The following RNASE4 variants were observed in gnomAD, a reference collection of about 807,000 sequenced individuals.
The protein encoded by RNASE4 is ribonuclease A family member 4.
For synonymous variants in RNASE4, 93 were observed against 71.4 expected, an observed-to-expected ratio of 1.30 and a Z score of -1.52; for missense variants, 194 against 192.8, an observed-to-expected ratio of 1.01 and a Z score of -0.04.
intron 1 of RNASE4, chr14:20,693,390 G>C (rs2139022957): frequency 4.3e-6 from 4 of 931,132 alleles, no homozygotes; most frequent in East Asian, 2.6e-5. Context: ...GATTGACGAA[G>C]TGTGAGGTTA....
intron 1 of RNASE4, among the ~76,000 whole-genome samples, chr14:20,690,008 G>A (rs184674274): frequency 0.042 from 6,249 of 148,134 alleles, 173 homozygotes; most frequent in African/African-American, 0.075. Context: ...GAGGTCAGGA[G>A]ATCGAGACCA....
intron 1 of RNASE4, chr14:20,688,656 G>A (rs1324412426): frequency 5.1e-6 from 5 of 983,876 alleles, no homozygotes; most frequent in Non-Finnish European, 6.0e-6. Context: ...CATGCCCAGC[G>A]AAAAGGTGAA....
chr14:20,694,453 C>T (rs1050088475), intron 1 of RNASE4, among the ~76,000 whole-genome samples: 1 of 152,084 alleles, frequency 6.6e-6, no homozygotes, highest in African/African-American at 2.4e-5. Flanking sequence ...GCATGCACCA[C>T]CACACCTGGC....
At chr14:20,686,990 G>GGA (rs1167482661) in intron 1 of RNASE4, among the ~76,000 whole-genome samples, 1 of 152,086 alleles carries the variant, frequency 6.6e-6, no homozygotes, top group Non-Finnish European at 1.5e-5. Context: ...TTGGCTTGAG[G>GGA]GAGAGAGAGA....
intron 1 of RNASE4, among the ~76,000 whole-genome samples, chr14:20,687,825 A>G (rs911811898): frequency 2.6e-5 from 4 of 152,188 alleles, no homozygotes; most frequent in Non-Finnish European, 5.9e-5. Context: ...ACACCTTCTC[A>G]AGTGCAGCCA....
At position 20,693,448 on chromosome 14, in the gene RNASE4, G is replaced by C. The variant is rs556327323; in HGVS notation, c.-17-5907G>C. 3.0e-5 allele frequency: 45 copies of C among 1,496,168 alleles called. No individual in the cohort carries two copies. The African/African-American group carries it at 5.6e-4, about 19-fold the overall frequency. 92.7% of individuals were successfully genotyped at this position (1,496,168 alleles called of 1,614,324 possible). A position where few individuals can be genotyped will look rare whatever the true frequency, so the allele number is the denominator to read the frequency against. ...TAAAATTTGGTGGTGGAAAAGATCT[G>C]ATTCATGATGCCGTGTCAGAGAGCA... On this transcript the variant is annotated intron_variant, in intron 1 of 1. Transcript: ENST00000555835.
chr14:20,689,037 G>C (rs989532030), intron 1 of RNASE4, among the ~76,000 whole-genome samples: 1 of 152,154 alleles, frequency 6.6e-6, no homozygotes, highest in African/African-American at 2.4e-5. Flanking sequence ...CTTTTGGGAT[G>C]GCCTATGTGT....
At chr14:20,698,637 AG>A (rs1292845381) in intron 1 of RNASE4, among the ~76,000 whole-genome samples, 1 of 152,188 alleles carries the variant, frequency 6.6e-6, no homozygotes, top group Non-Finnish European at 1.5e-5. Context: ...TAGAATTAAA[AG>A]GATTTCCAAA....
chr14:20,694,182 A>G (rs1187580548), intron 1 of RNASE4: 18 of 722,880 alleles, frequency 2.5e-5, no homozygotes, highest in South Asian at 1.8e-5. Flanking sequence ...TGATATCAGT[A>G]AGAATCAGAG....
In RNASE4 at chr14:20,699,685, A is replaced by G; in HGVS notation, c.314A>G (p.Lys105Arg). 1 of 1,610,404 alleles carries G rather than the reference A, an allele frequency of 6.2e-7. No individual in the cohort carries two copies. Among genetic ancestry groups the G allele is most frequent in the Non-Finnish European group, 8.5e-7 (1 of 1,180,018 alleles). ...GKMNCHEGVV[K>R]VTDCRDTGSS... ...ATGAACTGCCATGAGGGTGTAGTGA[A>G]GGTCACAGATTGCAGGGACACAGGA... Residue 105 changes from lysine to arginine, a missense_variant, in exon 2 of 2, where the codon AAG becomes AGG. Coordinates refer to ENST00000555835, the MANE Select transcript of RNASE4 (RefSeq NM_002937.5).
In RNASE4 at chr14:20,700,399, A is replaced by G. The variant is rs1480226618; in HGVS notation, c.*584A>G. ...TATGCCAGCAAAATGTGAGCTCTGT[A>G]TTTTTTGGCATTCTTATGTTTGGGT... On this transcript the variant is annotated 3_prime_UTR_variant, in exon 2 of 2. Coordinates refer to ENST00000555835, the MANE Select transcript of RNASE4 (RefSeq NM_002937.5). The G allele has an allele frequency of 6.0e-6, 1 of 167,094 alleles. No individual in the cohort carries two copies. The highest frequency in any genetic ancestry group is 1.5e-5 in the Non-Finnish European group (1 of 68,154). The allele number at this position is 167,094 out of a possible 1,614,324, so 10.4% of individuals were successfully genotyped here.
chr14:20,695,646 A>C (rs141647314), intron 1 of RNASE4, among the ~76,000 whole-genome samples: 2 of 152,384 alleles, frequency 1.3e-5, no homozygotes, highest in Non-Finnish European at 2.9e-5. Flanking sequence ...CCTTGTGAAC[A>C]CATAATTATT....
At chr14:20,689,803 C>G (rs1886618024) in intron 1 of RNASE4, among the ~76,000 whole-genome samples, 1 of 151,606 alleles carries the variant, frequency 6.6e-6, no homozygotes, top group South Asian at 2.1e-4. Flanking sequence ...GTAATCCCAG[C>G]TACTTGGGAG....
At chr14:20,689,916 A>C (rs1594204863) in intron 1 of RNASE4, among the ~76,000 whole-genome samples, 2 of 47,898 alleles carry the variant, frequency 4.2e-5, no homozygotes, top group South Asian at 6.2e-4. Context: ...ACTCTGTCTC[A>C]AAAAAAAAAA....
chr14:20,700,551 A>AT lies in RNASE4; in HGVS notation c.*742dup, dbSNP rs1300320361. The AT allele has an allele frequency of 3.6e-5, 6 of 166,696 alleles. No homozygotes were observed. The highest frequency in any genetic ancestry group is 9.7e-5 in the African/African-American group (4 of 41,088). 10.3% of individuals were successfully genotyped at this position (166,696 alleles called of 1,614,324 possible). ...CTTATGTGCTCTTACTGATTGAAAG[A>AT]TTTTTTATGTTTTCCTTGTAATAAA... On this transcript the variant is annotated 3_prime_UTR_variant, in exon 2 of 2. Transcript: ENST00000555835.
chr14:20,696,533 T>C (rs1035313790), intron 1 of RNASE4, among the ~76,000 whole-genome samples: 4 of 152,050 alleles, frequency 2.6e-5, no homozygotes, highest in Non-Finnish European at 5.9e-5. Flanking sequence ...GAAAATTCCA[T>C]GCAATTTGGA....
Position 20,699,635 on chromosome 14 carries a change from C to T in RNASE4, c.264C>T (p.Thr88=), listed in dbSNP as rs1017622456. 2 of 1,613,384 alleles carry T rather than the reference C, an allele frequency of 1.2e-6. No individual in the cohort carries two copies. The highest frequency in any genetic ancestry group is 2.2e-5 in the South Asian group (2 of 91,084). Reference sequence around the variant, plus strand: ...ACATTCGTAGTATCTGCAGCACCACCAATATCCAATGCAAGAACGGCAAGA... The same window carrying T: ...ACATTCGTAGTATCTGCAGCACCACTAATATCCAATGCAAGAACGGCAAGA... ...IWNIRSICST[T]NIQCKNGKMN... is the part of the protein sequence containing the mutation. Residue 88 remains threonine, a synonymous_variant, in exon 2 of 2, where the codon ACC becomes ACT. Transcript: ENST00000555835.
rs3094 is a variant in RNASE4 at position 20,699,896 on chromosome 14, T to A, written c.*81T>A. Reference sequence around the variant, plus strand: ...AGCAGTGAGTAATGCATTTGAGCTGTCCCAGGCTCTGTCTCCTCAGCTCAT... The same window carrying A: ...AGCAGTGAGTAATGCATTTGAGCTGACCCAGGCTCTGTCTCCTCAGCTCAT... On this transcript the variant is annotated 3_prime_UTR_variant, in exon 2 of 2. Coordinates refer to ENST00000555835, the MANE Select transcript of RNASE4 (RefSeq NM_002937.5). The A allele has an allele frequency of 2.4e-6, 3 of 1,226,648 alleles. No homozygotes were observed. The highest frequency in any genetic ancestry group is 3.5e-6 in the Non-Finnish European group (3 of 848,320). The allele number at this position is 1,226,648 out of a possible 1,614,324, so 76.0% of individuals were successfully genotyped here.
At position 20,697,803 on chromosome 14, in the gene RNASE4, C is replaced by A. The variant is rs147250189; in HGVS notation, c.-17-1552C>A. Among the ~76,000 whole-genome samples the A allele has an allele frequency of 9.3e-3, 1,411 of 152,280 alleles. 32 individuals carry two copies. The highest frequency in any genetic ancestry group is 0.033 in the African/African-American group (1,352 of 41,560). On this transcript the variant is annotated intron_variant, in intron 1 of 1. Coordinates refer to ENST00000555835, the MANE Select transcript of RNASE4 (RefSeq NM_002937.5). ...TCAAAACATTGCCCTTGCTAATTTGCGTTGCTCACTTCCTATTGAATCAGG... is the reference window on the plus strand; with the variant it reads ...TCAAAACATTGCCCTTGCTAATTTGAGTTGCTCACTTCCTATTGAATCAGG...
Sources: gnomAD v4.1 joint callset for allele counts (sites outside exome capture counted in the v4.1 genomes callset) on GRCh38, gnomAD v4.1.1 for gene constraint, MANE v1.5 for transcripts, NCBI Gene and HGNC (gene_info 2026-07-23, HGNC 2026-07-21) for gene names.